The following ADAMTSL3 variants were observed in gnomAD, a reference collection of about 807,000 sequenced individuals.
ADAMTSL3 encodes the protein ADAMTS-like protein 3.
A neutral mutation model predicts 201.7 loss-of-function variants in ADAMTSL3; 128 were observed. That is an observed-to-expected ratio of 0.63 (90% CI 0.55 to 0.73). The LOEUF (loss-of-function observed/expected upper bound fraction) is 0.73, where lower values mean the gene tolerates loss of function less well. Ranked by LOEUF, ADAMTSL3 falls within the 30% of genes least tolerant of loss-of-function variation. ADAMTSL3 has a pLI of 0.00. For synonymous variants in ADAMTSL3, 738 were observed against 748.4 expected (o/e 0.99, Z 0.23); for missense variants, 1,990 against 2,119.6 (o/e 0.94, Z 1.20).
intron 4 of ADAMTSL3, among the ~76,000 whole-genome samples, chr15:83,798,696 A>C (rs897848880): frequency 2.0e-5 from 3 of 151,558 alleles, no homozygotes; most frequent in Non-Finnish European, 4.4e-5. Context: ...AATCCCAGCT[A>C]CTCAGGAGGC....
chr15:83,988,883 A>AT (rs1275364261), intron 22 of ADAMTSL3, 65 bp downstream of exon 22: 938 of 1,021,574 alleles, frequency 9.2e-4, no homozygotes, highest in Middle Eastern at 1.2e-3. Flanking sequence ...TTATTTATTT[A>AT]TTTATTTTTT....
At chr15:83,798,218 T>C (rs2063459020) in intron 4 of ADAMTSL3, among the ~76,000 whole-genome samples, 1 of 152,224 alleles carries the variant, frequency 6.6e-6, no homozygotes, top group Non-Finnish European at 1.5e-5. Context: ...TAGCATTCTT[T>C]AGTCTATTTC....
intron 16 of ADAMTSL3, 69 bp from the exon 17 acceptor site, chr15:83,923,835 C>T: frequency 1.3e-6 from 2 of 1,568,680 alleles, no homozygotes; most frequent in South Asian, 1.2e-5. Flanking sequence ...AGACCTAAGA[C>T]TCTATTTTCT....
At chr15:83,977,159 G>A (rs1018731639) in intron 20 of ADAMTSL3, among the ~76,000 whole-genome samples, 3 of 152,146 alleles carry the variant, frequency 2.0e-5, no homozygotes, top group African/African-American at 4.8e-5. Context: ...TGTGAACTGC[G>A]CATGCGAGGG....
chr15:83,938,911 C>G (rs766779566), intron 17 of ADAMTSL3, among the ~76,000 whole-genome samples: 2 of 152,106 alleles, frequency 1.3e-5, no homozygotes, highest in African/African-American at 2.4e-5. Context: ...TTGCTCTATT[C>G]TCCAGCCCTC....
chr15:84,026,692 G>A (rs2068315604), intron 27 of ADAMTSL3, among the ~76,000 whole-genome samples: 1 of 152,074 alleles, frequency 6.6e-6, no homozygotes, highest in African/African-American at 2.4e-5. Context: ...CATTCAATGG[G>A]GGAAGAATAG....
rs538756892 is a variant in ADAMTSL3, at chr15:83,901,688, G to A, written c.1700+1957G>A. On this transcript the variant is annotated intron_variant, in intron 15 of 29. Coordinates refer to ENST00000286744, the MANE Select transcript of ADAMTSL3 (RefSeq NM_207517.3). ...GGCAATCTTAAATTAAAAAGATATGGTTTTGCACAAGTCAGTTAATATCTG... is the reference window on the plus strand; with the variant it reads ...GGCAATCTTAAATTAAAAAGATATGATTTTGCACAAGTCAGTTAATATCTG... Among the ~76,000 whole-genome samples the A allele has an allele frequency of 3.3e-5, 5 of 152,266 alleles. No homozygotes were observed. The East Asian group carries it at 7.7e-4, about 24-fold the overall frequency.
At chr15:83,941,656 G>A (rs898142150) in intron 17 of ADAMTSL3, among the ~76,000 whole-genome samples, 11 of 152,086 alleles carry the variant, frequency 7.2e-5, no homozygotes, top group African/African-American at 2.7e-4. Flanking sequence ...TGAATGGACA[G>A]TTATTTTCTG....
chr15:83,823,969 T>TCCTCCTC, intron 6 of ADAMTSL3, among the ~76,000 whole-genome samples: 1 of 67,300 alleles, frequency 1.5e-5, no homozygotes, highest in East Asian at 4.3e-4. Flanking sequence ...TTCTTCTTCT[T>TCCTCCTC]CTTCTCCTCC....
chr15:84,018,131 T>C (rs1367261114), intron 25 of ADAMTSL3, among the ~76,000 whole-genome samples: 3 of 152,316 alleles, frequency 2.0e-5, no homozygotes, highest in East Asian at 3.9e-4. Flanking sequence ...GCTGAAGCTA[T>C]TGGTGAAGGT....
At chr15:83,927,121 C>CT (rs879610724) in intron 17 of ADAMTSL3, among the ~76,000 whole-genome samples, 1,745 of 141,550 alleles carry the variant, frequency 0.012, 22 homozygotes, top group African/African-American at 0.038. Flanking sequence ...TTCTTTCTTT[C>CT]TTTTTTTTTT....
At chr15:83,938,329 C>T (rs2066496541) in intron 17 of ADAMTSL3, among the ~76,000 whole-genome samples, 2 of 152,130 alleles carry the variant, frequency 1.3e-5, no homozygotes, top group Non-Finnish European at 2.9e-5. Flanking sequence ...TATGACTTTG[C>T]AGATAGATAA....
chr15:83,875,536 G>A (rs1322967811), intron 9 of ADAMTSL3, among the ~76,000 whole-genome samples: 2 of 152,186 alleles, frequency 1.3e-5, no homozygotes, highest in African/African-American at 4.8e-5. Flanking sequence ...TGTAATACCA[G>A]CACTTTGGGA....
In ADAMTSL3 at chr15:83,897,709, C is replaced by T. The variant is rs577312792; in HGVS notation, c.1468-149C>T. 2.4e-5 allele frequency: 20 copies of T among 817,656 alleles called. No individual in the cohort carries two copies. The African/African-American group carries it at 3.3e-4, about 13-fold the overall frequency. 50.7% of individuals were successfully genotyped at this position (817,656 alleles called of 1,614,324 possible). A position where few individuals can be genotyped will look rare whatever the true frequency, so the allele number is the denominator to read the frequency against. On this transcript the variant is annotated intron_variant, in intron 13 of 29. Transcript: ENST00000286744. ...AATACAAGTATCACAGAAAATTAGC[C>T]TCTGTACCCTTCCTTACATAATATT...
intron 2 of ADAMTSL3, among the ~76,000 whole-genome samples, chr15:83,698,635 T>C (rs1191895760): frequency 7.6e-6 from 1 of 132,350 alleles, no homozygotes; most frequent in Non-Finnish European, 1.6e-5. Flanking sequence ...TGCCACTGAG[T>C]CTTCCTGACA....
chr15:83,975,220 T>A (rs1165492400), intron 20 of ADAMTSL3, among the ~76,000 whole-genome samples: 1 of 151,960 alleles, frequency 6.6e-6, no homozygotes, highest in East Asian at 2.0e-4. Flanking sequence ...GCCAGGATGG[T>A]CTTGATCTCC....
intron 4 of ADAMTSL3, among the ~76,000 whole-genome samples, chr15:83,778,543 G>C (rs1292061540): frequency 2.0e-5 from 3 of 152,110 alleles, no homozygotes; most frequent in African/African-American, 7.2e-5. Context: ...TGATGAATAT[G>C]ATCCTTTTTA....
chr15:83,709,300 T>G (rs1306871513), intron 3 of ADAMTSL3, among the ~76,000 whole-genome samples: 3 of 152,210 alleles, frequency 2.0e-5, no homozygotes, highest in African/African-American at 7.2e-5. Flanking sequence ...GATGGGCACA[T>G]TCTTAGAATA....
chr15:84,012,351 A>G (rs1382978436), intron 23 of ADAMTSL3, among the ~76,000 whole-genome samples: 3 of 152,130 alleles, frequency 2.0e-5, no homozygotes, highest in African/African-American at 7.2e-5. Context: ...ATCCCTTATC[A>G]TTTTAGAACT....
Sources: allele counts gnomAD v4.1 joint callset (sites outside exome capture counted in the v4.1 genomes callset), GRCh38; gene constraint gnomAD v4.1.1; transcripts MANE v1.5; gene names NCBI Gene and HGNC (gene_info 2026-07-23, HGNC 2026-07-21).